HECW2: variants seen among roughly 807,000 people sequenced by gnomAD.
HECW2 encodes E3 ubiquitin-protein ligase HECW2.
Under a neutral mutation model 175.2 loss-of-function variants are expected in HECW2, and 61 were observed. The observed-to-expected ratio is 0.35, with a 90% CI of 0.28 to 0.43. The LOEUF (loss-of-function observed/expected upper bound fraction) is 0.43. HECW2 is among the 20% of genes least tolerant of loss of function. HECW2 has a pLI of 1.00. For synonymous variants in HECW2, 671 were observed against 731.0 expected, an observed-to-expected ratio of 0.92 and a Z score of 1.32; for missense variants, 1,524 against 2,000.5, an observed-to-expected ratio of 0.76 and a Z score of 4.54.
chr2:196,427,625 C>T (rs1695586390), intron 2 of HECW2, among the ~76,000 whole-genome samples: 1 of 152,054 alleles, frequency 6.6e-6, no homozygotes, highest in Non-Finnish European at 1.5e-5. Flanking sequence ...TAGGAGGAGG[C>T]AATAAATAGC....
At chr2:196,255,294 T>A (rs1289745252) in intron 18 of HECW2, among the ~76,000 whole-genome samples, 2 of 151,934 alleles carry the variant, frequency 1.3e-5, no homozygotes, top group Non-Finnish European at 2.9e-5. Context: ...GCCTGGCTGA[T>A]CTCTTTGTTT....
chr2:196,464,801 G>A (rs1696883722), intron 1 of HECW2, among the ~76,000 whole-genome samples: 1 of 152,162 alleles, frequency 6.6e-6, no homozygotes, highest in Non-Finnish European at 1.5e-5. Context: ...CAGCACTTTG[G>A]GAGGCCGAGG....
chr2:196,499,243 A>T (rs551342279), intron 1 of HECW2, among the ~76,000 whole-genome samples: 18 of 152,256 alleles, frequency 1.2e-4, no homozygotes, highest in Admixed American at 5.9e-4. Flanking sequence ...TTCTTACAAT[A>T]GAAACCAGAA....
intron 13 of HECW2, among the ~76,000 whole-genome samples, chr2:196,306,129 T>C (rs1443030028): frequency 1.3e-5 from 2 of 152,110 alleles, no homozygotes; most frequent in African/African-American, 2.4e-5. Flanking sequence ...CCTCCGCCCT[T>C]AGACCATATG....
At chr2:196,555,140 CA>C (rs1689750876) in intron 1 of HECW2, among the ~76,000 whole-genome samples, 1 of 152,104 alleles carries the variant, frequency 6.6e-6, no homozygotes, top group African/African-American at 2.4e-5. Flanking sequence ...AAAAAACAAG[CA>C]ATTTTTTTTC....
intron 1 of HECW2, among the ~76,000 whole-genome samples, chr2:196,549,338 G>A (rs1396435472): frequency 2.0e-5 from 3 of 152,092 alleles, no homozygotes; most frequent in Non-Finnish European, 2.9e-5. Flanking sequence ...GTTACTTTAA[G>A]GAAAATGACT....
intron 2 of HECW2, among the ~76,000 whole-genome samples, chr2:196,408,336 C>T (rs1025707356): frequency 3.3e-5 from 5 of 152,146 alleles, no homozygotes; most frequent in African/African-American, 7.2e-5. Flanking sequence ...CAAACAACTG[C>T]GTGATTCTAT....
intron 1 of HECW2, among the ~76,000 whole-genome samples, chr2:196,491,641 A>C (rs952251342): frequency 6.6e-6 from 1 of 151,826 alleles, no homozygotes; most frequent in African/African-American, 2.4e-5. Context: ...AAAAACAGAA[A>C]GTTTAAGCCT....
intron 19 of HECW2, among the ~76,000 whole-genome samples, chr2:196,251,041 T>C (rs1688833683): frequency 6.6e-6 from 1 of 152,190 alleles, no homozygotes; most frequent in Non-Finnish European, 1.5e-5. Flanking sequence ...TCCTTCTTGA[T>C]GCCCTATCCC....
At chr2:196,523,638 GA>G in intron 1 of HECW2, among the ~76,000 whole-genome samples, 1 of 151,458 alleles carries the variant, frequency 6.6e-6, no homozygotes, top group Admixed American at 6.6e-5. Flanking sequence ...TTATTATTTT[GA>G]AATACGTCCC....
intron 1 of HECW2, among the ~76,000 whole-genome samples, chr2:196,532,431 G>A (rs1042500834): frequency 3.3e-5 from 5 of 152,158 alleles, no homozygotes; most frequent in African/African-American, 9.6e-5. Flanking sequence ...TGAACAAGGA[G>A]AACATACGGA....
chr2:196,498,984 T>G (rs914010910), intron 1 of HECW2, among the ~76,000 whole-genome samples: 1 of 152,014 alleles, frequency 6.6e-6, no homozygotes, highest in African/African-American at 2.4e-5. Flanking sequence ...TCAACCCCCC[T>G]ATAATTTCAT....
At chr2:196,384,236 G>A (rs1387551137) in intron 2 of HECW2, among the ~76,000 whole-genome samples, 1 of 151,840 alleles carries the variant, frequency 6.6e-6, no homozygotes, top group Non-Finnish European at 1.5e-5. Flanking sequence ...CTGGAACCTG[G>A]GGACAAAAAA....
At chr2:196,219,713 T>G (rs1309522376) in intron 26 of HECW2, among the ~76,000 whole-genome samples, 1 of 152,186 alleles carries the variant, frequency 6.6e-6, no homozygotes, top group Non-Finnish European at 1.5e-5. Flanking sequence ...TAGGTGGAGT[T>G]TGACCAGCTG....
intron 1 of HECW2, among the ~76,000 whole-genome samples, chr2:196,454,423 A>G (rs1158931288): frequency 1.3e-5 from 2 of 152,216 alleles, no homozygotes; most frequent in East Asian, 1.9e-4. Context: ...TGATGTATAT[A>G]CCATAATTTA....
At chr2:196,588,232 T>C (rs1321366567) in intron 1 of HECW2, among the ~76,000 whole-genome samples, 1 of 152,224 alleles carries the variant, frequency 6.6e-6, no homozygotes, top group African/African-American at 2.4e-5. Flanking sequence ...ATCTTTGTTT[T>C]ATTCATTGAT....
At chr2:196,441,096 G>A (rs1206020340) in intron 1 of HECW2, among the ~76,000 whole-genome samples, 1 of 152,104 alleles carries the variant, frequency 6.6e-6, no homozygotes, top group Non-Finnish European at 1.5e-5. Context: ...AGCAGATTTT[G>A]TTCAGAAGAT....
chr2:196,222,136 C>T (rs573198135), intron 24 of HECW2, 75 bp downstream of exon 24: 1 of 1,336,484 alleles, frequency 7.5e-7, no homozygotes, highest in Admixed American at 2.0e-5. Flanking sequence ...CTGATCTTAG[C>T]CATGGAGTTA....
chr2:196,265,074 A>G (rs1462256532), intron 17 of HECW2, among the ~76,000 whole-genome samples: 1 of 152,240 alleles, frequency 6.6e-6, no homozygotes, highest in African/African-American at 2.4e-5. Context: ...CAGTCTAGGC[A>G]TGGAGCAGTC....
Sources: gnomAD v4.1 joint callset for allele counts (sites outside exome capture counted in the v4.1 genomes callset) on GRCh38, gnomAD v4.1.1 for gene constraint, MANE v1.5 for transcripts, NCBI Gene and HGNC (gene_info 2026-07-23, HGNC 2026-07-21) for gene names.